CSTPP1: variants seen among roughly 807,000 people sequenced by gnomAD.
CSTPP1 encodes the protein UPF0705 protein C11orf49.
At chr11:46,964,144 C>T in the CSTPP1 span, among the ~76,000 whole-genome samples, 1 of 152,152 alleles carries the variant, frequency 6.6e-6, no homozygotes, top group Admixed American at 6.6e-5. Context: ...CTTTCACTAA[C>T]TCCCCATGTT....
the CSTPP1 span, among the ~76,000 whole-genome samples, chr11:47,066,492 C>G: frequency 6.6e-6 from 1 of 151,972 alleles, no homozygotes; most frequent in East Asian, 1.9e-4. Context: ...GGGCTATCCA[C>G]CTTGTGTCCC....
At chr11:46,970,061 G>A in the CSTPP1 span, among the ~76,000 whole-genome samples, 1 of 152,164 alleles carries the variant, frequency 6.6e-6, no homozygotes, top group African/African-American at 2.4e-5. Flanking sequence ...GTTTATATAT[G>A]TATACACACA....
chr11:47,103,297 G>A, the CSTPP1 span, among the ~76,000 whole-genome samples: 4 of 152,104 alleles, frequency 2.6e-5, no homozygotes, highest in East Asian at 5.8e-4. Context: ...CTACTCTGGA[G>A]GCTGAGGTGG....
the CSTPP1 span, among the ~76,000 whole-genome samples, chr11:47,040,489 G>A: frequency 8.7e-5 from 11 of 126,110 alleles, 1 homozygote; most frequent in African/African-American, 2.7e-4. Context: ...CCATGTTTGC[G>A]AGGCTGAAAA....
chr11:47,037,395 T>A, the CSTPP1 span, among the ~76,000 whole-genome samples: 37,882 of 96,416 alleles, frequency 0.39, 12,241 homozygotes, highest in East Asian at 0.6. Flanking sequence ...TATTATTATT[T>A]TTTTTTTTTA....
chr11:47,083,112 C>G, the CSTPP1 span, among the ~76,000 whole-genome samples: 3 of 152,020 alleles, frequency 2.0e-5, no homozygotes, highest in South Asian at 6.3e-4. Context: ...TCAGCTCCCA[C>G]TTATAAATGA....
At chr11:46,976,019 T>C in the CSTPP1 span, among the ~76,000 whole-genome samples, 9 of 152,102 alleles carry the variant, frequency 5.9e-5, no homozygotes, top group Admixed American at 1.3e-4. Flanking sequence ...TGGGTCATCA[T>C]TGTGTTTGTT....
chr11:47,049,847 A>G, the CSTPP1 span, among the ~76,000 whole-genome samples: 1 of 151,912 alleles, frequency 6.6e-6, no homozygotes, highest in Non-Finnish European at 1.5e-5. Flanking sequence ...CTTCCAAACT[A>G]ACAGGGAGGG....
At chr11:47,029,006 T>C in the CSTPP1 span, among the ~76,000 whole-genome samples, 1 of 151,850 alleles carries the variant, frequency 6.6e-6, no homozygotes, top group Non-Finnish European at 1.5e-5. Flanking sequence ...CCCAGCTAAT[T>C]TTCATATTTT....
chr11:47,155,940 A>T, the CSTPP1 span: 2 of 152,106 alleles, frequency 1.3e-5, no homozygotes, highest in Non-Finnish European at 2.9e-5. Flanking sequence ...AATAAATATA[A>T]ATATACACCA....
chr11:47,155,354 G>T, the CSTPP1 span: 1 of 1,114,302 alleles, frequency 9.0e-7, no homozygotes, highest in African/African-American at 1.5e-5. Flanking sequence ...TGGCACACAC[G>T]TTTCTCTTCC....
the CSTPP1 span, among the ~76,000 whole-genome samples, chr11:47,124,061 A>G: frequency 6.6e-6 from 1 of 150,464 alleles, no homozygotes; most frequent in Non-Finnish European, 1.5e-5. Context: ...CAACCGTCAC[A>G]ATTATTGAGA....
chr11:47,157,766 G>A, the CSTPP1 span: 1 of 1,557,348 alleles, frequency 6.4e-7, no homozygotes. Context: ...ATGCAGAGGT[G>A]GCCCTGAGGC....
At chr11:47,045,901 C>T in the CSTPP1 span, among the ~76,000 whole-genome samples, 9 of 152,200 alleles carry the variant, frequency 5.9e-5, no homozygotes, top group East Asian at 1.7e-3. Flanking sequence ...ATTCTCCTGC[C>T]TCAGCCTCCC....
At chr11:47,116,102 C>T in the CSTPP1 span, among the ~76,000 whole-genome samples, 1 of 152,194 alleles carries the variant, frequency 6.6e-6, no homozygotes, top group Non-Finnish European at 1.5e-5. Flanking sequence ...GCAAGTTGTT[C>T]AGTTTCCATG....
chr11:46,954,722 T>C, the CSTPP1 span, among the ~76,000 whole-genome samples: 1 of 151,704 alleles, frequency 6.6e-6, no homozygotes, highest in Non-Finnish European at 1.5e-5. Flanking sequence ...TCTATAAGAG[T>C]TATAACAAAA....
At chr11:47,010,378 G>A in the CSTPP1 span, among the ~76,000 whole-genome samples, 9 of 152,180 alleles carry the variant, frequency 5.9e-5, no homozygotes, top group Non-Finnish European at 1.3e-4. Flanking sequence ...CCGAAGCAAC[G>A]GAATCTGTCT....
the CSTPP1 span, among the ~76,000 whole-genome samples, chr11:47,101,183 T>C: frequency 1.0e-5 from 1 of 99,100 alleles, no homozygotes; most frequent in African/African-American, 3.4e-5. Flanking sequence ...TTTTTTTTTT[T>C]TTTTTTATTT....
the CSTPP1 span, among the ~76,000 whole-genome samples, chr11:47,048,501 G>GGAAA: frequency 1.7e-4 from 25 of 148,602 alleles, no homozygotes; most frequent in African/African-American, 6.2e-4. Flanking sequence ...AAGGAAGGAG[G>GGAAA]GAAAGAAAGA....
Sources: gnomAD v4.1 joint callset for allele counts (sites outside exome capture counted in the v4.1 genomes callset) on GRCh38, gnomAD v4.1.1 for gene constraint, MANE v1.5 for transcripts, NCBI Gene and HGNC (gene_info 2026-07-23, HGNC 2026-07-21) for gene names.